ADIPOR2: variants seen among roughly 807,000 people sequenced by gnomAD.
The protein encoded by ADIPOR2 is adiponectin receptor 2.
In ADIPOR2, 18 loss-of-function variants were observed where a neutral mutation model predicts 40.9. The observed-to-expected ratio is 0.44, with a 90% CI of 0.30 to 0.65. The LOEUF is 0.65. Among genes scored for constraint, ADIPOR2 ranks in the 30% least tolerant of loss-of-function variants. The pLI, the probability that ADIPOR2 is intolerant of heterozygous loss-of-function variation, is 0.09. For missense variants in ADIPOR2, 283 were observed against 479.2 expected (o/e 0.59, Z 3.82); for synonymous variants, 165 against 166.4 (o/e 0.99, Z 0.06).
chr12:1,765,194 G>T (rs987038617), intron 2 of ADIPOR2, among the ~76,000 whole-genome samples: 1 of 152,088 alleles, frequency 6.6e-6, no homozygotes, highest in Non-Finnish European at 1.5e-5. Flanking sequence ...TATGAATTCA[G>T]TTCATCTTAA....
chr12:1,765,769 G>A (rs1000103325), intron 2 of ADIPOR2, among the ~76,000 whole-genome samples: 11 of 151,934 alleles, frequency 7.2e-5, no homozygotes, highest in African/African-American at 2.4e-4. Flanking sequence ...AATGAGAAGT[G>A]CTTTCTTCTT....
At chr12:1,696,937 A>G (rs1247795446) in intron 1 of ADIPOR2, 1 of 152,976 alleles carries the variant, frequency 6.5e-6, no homozygotes, top group African/African-American at 2.4e-5. Context: ...GTTCTTGTCC[A>G]TAACATAATG....
chr12:1,743,580 C>T (rs575451405), intron 1 of ADIPOR2, among the ~76,000 whole-genome samples: 20 of 151,770 alleles, frequency 1.3e-4, no homozygotes, highest in East Asian at 3.9e-4. Context: ...GAGGCTGAGG[C>T]GGGAGGATTG....
intron 2 of ADIPOR2, chr12:1,757,837 C>T (rs1325000716): frequency 2.4e-6 from 2 of 831,556 alleles, no homozygotes; most frequent in African/African-American, 3.3e-5. Flanking sequence ...TTCTTTACTT[C>T]ATCTCCTGTC....
At chr12:1,760,075 G>A (rs548485231) in intron 2 of ADIPOR2, among the ~76,000 whole-genome samples, 43 of 149,462 alleles carry the variant, frequency 2.9e-4, no homozygotes, top group African/African-American at 1.0e-3. Context: ...CCTCCTTCCC[G>A]TAGGAGATAG....
chr12:1,720,313 T>C (rs1244433330), intron 1 of ADIPOR2, among the ~76,000 whole-genome samples: 1 of 152,190 alleles, frequency 6.6e-6, no homozygotes, highest in Non-Finnish European at 1.5e-5. Flanking sequence ...ACTGGTTTCA[T>C]GGAAGACAAT....
intron 1 of ADIPOR2, among the ~76,000 whole-genome samples, chr12:1,721,368 A>C (rs774471362): frequency 6.6e-6 from 1 of 151,978 alleles, no homozygotes; most frequent in South Asian, 2.1e-4. Flanking sequence ...GGCACATGCC[A>C]CCACACCTGG....
At chr12:1,729,572 CA>C (rs527320766) in intron 1 of ADIPOR2, among the ~76,000 whole-genome samples, 4 of 144,826 alleles carry the variant, frequency 2.8e-5, no homozygotes, top group African/African-American at 1.0e-4. Context: ...ATTGACCTCC[CA>C]AAGTGTTGGG....
chr12:1,695,267 A>T (rs1278756699), intron 1 of ADIPOR2, among the ~76,000 whole-genome samples: 1 of 151,052 alleles, frequency 6.6e-6, no homozygotes, highest in Non-Finnish European at 1.5e-5. Flanking sequence ...AGGTGGGAGG[A>T]TTGCTTGAGG....
chr12:1,722,547 G>A lies in ADIPOR2; in HGVS notation c.-87+31356G>A, dbSNP rs905285095. Among the ~76,000 whole-genome samples the A allele has an allele frequency of 6.6e-5, 10 of 152,162 alleles. No individual in the cohort carries two copies. The East Asian group carries it at 1.7e-3, about 26-fold the overall frequency. ...TCTTAGTGGGAATGGAAACTAGATT[G>A]TAGAGAAGTATCAGGTAAAGGATGG... On this transcript the variant is annotated intron_variant, in intron 1 of 7. Coordinates refer to ENST00000357103, the MANE Select transcript of ADIPOR2 (RefSeq NM_024551.3).
chr12:1,757,774 G>A, intron 2 of ADIPOR2: 3 of 1,028,698 alleles, frequency 2.9e-6, no homozygotes, highest in Non-Finnish European at 4.6e-6. Flanking sequence ...AGCAGGGTAG[G>A]TTATATGAGT....
intron 3 of ADIPOR2, among the ~76,000 whole-genome samples, chr12:1,777,488 G>T (rs372845110): frequency 1.5e-4 from 22 of 146,878 alleles, no homozygotes; most frequent in African/African-American, 5.3e-4. Flanking sequence ...CCGGGTTCAA[G>T]CAATTCTCCT....
intron 1 of ADIPOR2, among the ~76,000 whole-genome samples, chr12:1,703,607 G>A (rs1400665314): frequency 6.6e-6 from 1 of 151,894 alleles, no homozygotes; most frequent in East Asian, 1.9e-4. Context: ...GTGGTAGTGT[G>A]TGCCGGGACT....
intron 1 of ADIPOR2, among the ~76,000 whole-genome samples, chr12:1,691,687 C>A (rs971902623): frequency 5.9e-5 from 9 of 152,164 alleles, no homozygotes; most frequent in Admixed American, 3.3e-4. Flanking sequence ...TCACCTTTTT[C>A]AGGTGGCGCG....
intron 1 of ADIPOR2, among the ~76,000 whole-genome samples, chr12:1,718,534 G>T (rs1340705206): frequency 6.6e-6 from 1 of 151,954 alleles, no homozygotes; most frequent in Non-Finnish European, 1.5e-5. Flanking sequence ...AGTCAAATTT[G>T]TTGAGGTATA....
intron 1 of ADIPOR2, among the ~76,000 whole-genome samples, chr12:1,724,216 C>T (rs2094703425): frequency 6.6e-6 from 1 of 152,054 alleles, no homozygotes; most frequent in Non-Finnish European, 1.5e-5. Context: ...CTCCTGACCT[C>T]GTGATCCACC....
intron 1 of ADIPOR2, among the ~76,000 whole-genome samples, chr12:1,730,425 G>T (rs1036577234): frequency 1.3e-5 from 2 of 151,594 alleles, no homozygotes; most frequent in Admixed American, 6.6e-5. Context: ...AGACCATCCT[G>T]ACTAACACGG....
intron 1 of ADIPOR2, among the ~76,000 whole-genome samples, chr12:1,750,492 C>T (rs1592610333): frequency 6.6e-6 from 1 of 151,810 alleles, no homozygotes; most frequent in South Asian, 2.1e-4. Context: ...CCGTTGAGCC[C>T]AGGAGTTCAA....
At chr12:1,708,564 A>G (rs1245415604) in intron 1 of ADIPOR2, among the ~76,000 whole-genome samples, 2 of 152,184 alleles carry the variant, frequency 1.3e-5, no homozygotes, top group African/African-American at 4.8e-5. Context: ...GTGAGGTAAA[A>G]GTTCAGGTTC....
Sources: gnomAD v4.1 joint callset for allele counts (sites outside exome capture counted in the v4.1 genomes callset) on GRCh38, gnomAD v4.1.1 for gene constraint, MANE v1.5 for transcripts, NCBI Gene and HGNC (gene_info 2026-07-23, HGNC 2026-07-21) for gene names.